Variants in MDGA2 observed in about 807,000 individuals in gnomAD.
The protein encoded by MDGA2 is MAM domain containing glycosylphosphatidylinositol anchor 2, also known as MAM domain-containing glycosylphosphatidylinositol anchor protein 2.
In MDGA2, 40 loss-of-function variants were observed where a neutral mutation model predicts 117.8. The ratio of observed to expected loss-of-function variants is 0.34; its 90% CI spans 0.26 to 0.44. The LOEUF (loss-of-function observed/expected upper bound fraction) is 0.44. MDGA2 is among the 20% of genes least tolerant of loss of function. The pLI, the probability that MDGA2 is intolerant of heterozygous loss-of-function variation, is 1.00. For missense variants in MDGA2, 1,123 were observed against 1,250.6 expected (o/e 0.90, Z 1.54); for synonymous variants, 452 against 439.0 (o/e 1.03, Z -0.37).
At chr14:46,959,288 T>A (rs1467831636) in intron 8 of MDGA2, among the ~76,000 whole-genome samples, 1 of 141,606 alleles carries the variant, frequency 7.1e-6, no homozygotes, top group East Asian at 2.0e-4. Context: ...TGTGTGTGTG[T>A]GTGTGTGTGT....
chr14:47,286,805 A>ATG (rs1397575539), intron 2 of MDGA2, among the ~76,000 whole-genome samples: 1 of 29,664 alleles, frequency 3.4e-5, no homozygotes, highest in African/African-American at 8.3e-5. Flanking sequence ...GCATATCATT[A>ATG]TATATATATA....
intron 8 of MDGA2, among the ~76,000 whole-genome samples, chr14:46,977,366 G>C (rs1312476995): frequency 1.3e-5 from 2 of 150,938 alleles, no homozygotes; most frequent in African/African-American, 4.9e-5. Flanking sequence ...CTGTCACAAG[G>C]ACTGACAAAC....
At chr14:47,489,211 AT>A (rs34501481) in intron 1 of MDGA2, among the ~76,000 whole-genome samples, 63,152 of 151,638 alleles carry the variant, frequency 0.42, 13,829 homozygotes, top group East Asian at 0.61. Flanking sequence ...ACAAAAAAAA[AT>A]TTGAACTGAA....
At chr14:47,427,873 C>T (rs1011473859) in intron 1 of MDGA2, among the ~76,000 whole-genome samples, 5 of 152,058 alleles carry the variant, frequency 3.3e-5, no homozygotes, top group African/African-American at 1.2e-4. Context: ...AGAGATCTAT[C>T]GTTTGAACAT....
At chr14:47,338,771 C>T (rs1022610806) in intron 1 of MDGA2, among the ~76,000 whole-genome samples, 2 of 152,016 alleles carry the variant, frequency 1.3e-5, no homozygotes, top group Admixed American at 6.6e-5. Context: ...GGCATGTTTT[C>T]GAGCTATGAG....
chr14:47,342,767 G>A (rs1890668279), intron 1 of MDGA2, among the ~76,000 whole-genome samples: 1 of 152,182 alleles, frequency 6.6e-6, no homozygotes, highest in Non-Finnish European at 1.5e-5. Flanking sequence ...GAGATAAATT[G>A]TCCTAGATTT....
At chr14:47,570,825 C>A (rs1896005370) in intron 1 of MDGA2, among the ~76,000 whole-genome samples, 1 of 152,142 alleles carries the variant, frequency 6.6e-6, no homozygotes, top group Non-Finnish European at 1.5e-5. Flanking sequence ...CTAGGCAATA[C>A]CATTCAGGAC....
intron 1 of MDGA2, among the ~76,000 whole-genome samples, chr14:47,377,796 G>A (rs1291263274): frequency 1.3e-5 from 2 of 152,178 alleles, no homozygotes; most frequent in African/African-American, 4.8e-5. Flanking sequence ...GCAGGGCATA[G>A]CTGAACAAAA....
chr14:47,250,316 C>T (rs886912113), intron 2 of MDGA2, among the ~76,000 whole-genome samples: 4 of 152,074 alleles, frequency 2.6e-5, no homozygotes, highest in South Asian at 2.1e-4. Flanking sequence ...GCAAGACTGC[C>T]GTTGGTGAAT....
chr14:47,669,507 T>C (rs571703272), intron 1 of MDGA2, among the ~76,000 whole-genome samples: 1 of 152,284 alleles, frequency 6.6e-6, no homozygotes, highest in Admixed American at 6.5e-5. Context: ...CAAGTAACAC[T>C]ATATAAAATA....
chr14:47,299,439 C>T (rs1889201361), intron 2 of MDGA2: 1 of 152,126 alleles, frequency 6.6e-6, no homozygotes, highest in Admixed American at 6.5e-5. Context: ...CTTCTCTTGC[C>T]ATAAACTGCC....
At chr14:47,479,933 C>G (rs996609823) in intron 1 of MDGA2, among the ~76,000 whole-genome samples, 1 of 152,052 alleles carries the variant, frequency 6.6e-6, no homozygotes, top group African/African-American at 2.4e-5. Context: ...TTTCTACTTT[C>G]CTTGCCACTG....
intron 1 of MDGA2, among the ~76,000 whole-genome samples, chr14:47,436,988 G>A (rs1371045704): frequency 2.6e-5 from 4 of 152,124 alleles, no homozygotes; most frequent in Non-Finnish European, 5.9e-5. Flanking sequence ...CTGCAATGTA[G>A]TTTTTGGTTG....
chr14:47,603,312 T>A (rs1311132312), intron 1 of MDGA2, among the ~76,000 whole-genome samples: 1 of 152,196 alleles, frequency 6.6e-6, no homozygotes, highest in Admixed American at 6.5e-5. Flanking sequence ...ATTTGAATGC[T>A]TTATTACACG....
chr14:47,413,125 C>T (rs1258236110), intron 1 of MDGA2, among the ~76,000 whole-genome samples: 1 of 152,094 alleles, frequency 6.6e-6, no homozygotes. Flanking sequence ...TTCAGTATTT[C>T]AAACTGACAT....
chr14:47,340,548 T>C (rs1432042837), intron 1 of MDGA2, among the ~76,000 whole-genome samples: 1 of 152,166 alleles, frequency 6.6e-6, no homozygotes, highest in Non-Finnish European at 1.5e-5. Flanking sequence ...GGGTCTCTGA[T>C]ACTGGTGGCA....
At chr14:46,923,645 C>T (rs1884217173) in intron 9 of MDGA2, among the ~76,000 whole-genome samples, 1 of 151,838 alleles carries the variant, frequency 6.6e-6, no homozygotes, top group Admixed American at 6.6e-5. Flanking sequence ...TGCCTCACAG[C>T]ATACTTTCTA....
At chr14:47,133,407 C>T (rs1445122822) in intron 4 of MDGA2, among the ~76,000 whole-genome samples, 1 of 151,904 alleles carries the variant, frequency 6.6e-6, no homozygotes, top group Non-Finnish European at 1.5e-5. Context: ...CCTCTCCTAC[C>T]TTTGTCACAC....
chr14:47,230,816 G>A (rs72680246), intron 2 of MDGA2, among the ~76,000 whole-genome samples: 9,862 of 151,866 alleles, frequency 0.065, 363 homozygotes, highest in Non-Finnish European at 0.076. Flanking sequence ...ATACATTAAA[G>A]AGGACCATTT....
Sources: gnomAD v4.1 joint callset for allele counts (sites outside exome capture counted in the v4.1 genomes callset) on GRCh38, gnomAD v4.1.1 for gene constraint, MANE v1.5 for transcripts, NCBI Gene and HGNC (gene_info 2026-07-23, HGNC 2026-07-21) for gene names.